KIF26B: variants seen among roughly 807,000 people sequenced by gnomAD.
KIF26B encodes kinesin family member 26B, also known as kinesin-like protein KIF26B.
KIF26B carries 63 observed loss-of-function variants against 151.2 expected under a neutral mutation model. The observed-to-expected ratio is 0.42, with a 90% CI of 0.34 to 0.51. The LOEUF is 0.51. KIF26B is among the 20% of genes least tolerant of loss of function. The probability of loss-of-function intolerance (pLI) is 0.07; values close to 1 mark genes in which losing one functional copy is unlikely to be tolerated. For missense variants in KIF26B, 2,813 were observed against 2,913.6 expected, an observed-to-expected ratio of 0.97 and a Z score of 0.79; for synonymous variants, 1,357 against 1,262.1, an observed-to-expected ratio of 1.08 and a Z score of -1.59.
chr1:245,184,050 G>GTTTTTTGTTTTTTTTTTTTTTTTGTT, intron 2 of KIF26B, among the ~76,000 whole-genome samples: 1 of 19,804 alleles, frequency 5.0e-5, no homozygotes, highest in Non-Finnish European at 9.9e-5. Context: ...GGGAGTTGTT[G>GTTTTTTGTTTTTTTTTTTTTTTTGTT]TTTTTTTTTT....
At chr1:245,447,501 G>T (rs985957722) in intron 4 of KIF26B, among the ~76,000 whole-genome samples, 2 of 152,080 alleles carry the variant, frequency 1.3e-5, no homozygotes, top group African/African-American at 4.8e-5. Flanking sequence ...GGTCTCGAGG[G>T]CTCCATCCTC....
chr1:245,686,592 C>T lies in KIF26B; in HGVS notation c.3609C>T (p.Asp1203=), dbSNP rs2044524465. Residue 1203 remains aspartate, a synonymous_variant, in exon 12 of 15, where the codon GAC becomes GAT. Coordinates refer to ENST00000407071, the MANE Select transcript of KIF26B (RefSeq NM_018012.4). This position sits in a 1 kb window ranked among gnomAD's most constrained non-coding sequence, Gnocchi z 5.6. ...VEELTISGVL[D]SGRPTSIISF... Reference sequence around the variant, plus strand: ...AGCTGACCATCAGCGGGGTCCTGGACAGCGGCCGCCCCACCAGCATCATCA... The same window carrying T: ...AGCTGACCATCAGCGGGGTCCTGGATAGCGGCCGCCCCACCAGCATCATCA... 6.2e-7 allele frequency: 1 copy of T among 1,611,626 alleles called. No homozygotes were observed. The highest frequency in any genetic ancestry group is 8.5e-7 in the Non-Finnish European group (1 of 1,179,354).
At chr1:245,470,175 C>T (rs1273446091) in intron 4 of KIF26B, among the ~76,000 whole-genome samples, 3 of 151,880 alleles carry the variant, frequency 2.0e-5, no homozygotes, top group African/African-American at 4.8e-5. Flanking sequence ...GACGTTGACA[C>T]CCAGACTTAG....
chr1:245,623,198 G>C (rs1409630919), intron 9 of KIF26B, among the ~76,000 whole-genome samples: 1 of 151,894 alleles, frequency 6.6e-6, no homozygotes, highest in South Asian at 2.1e-4. Flanking sequence ...ACCCCCAAAA[G>C]TTTCCTCGGG....
intron 4 of KIF26B, among the ~76,000 whole-genome samples, chr1:245,517,202 C>T (rs1660987886): frequency 2.0e-5 from 3 of 152,102 alleles, no homozygotes; most frequent in Admixed American, 6.5e-5. Flanking sequence ...TACTAAAATA[C>T]AAAAACATTA....
chr1:245,177,022 C>G (rs937089354), intron 2 of KIF26B, among the ~76,000 whole-genome samples: 1 of 152,164 alleles, frequency 6.6e-6, no homozygotes, highest in African/African-American at 2.4e-5. Flanking sequence ...GCAGCATGAT[C>G]CTAGCTCACT....
chr1:245,299,483 G>A (rs899208757), intron 2 of KIF26B, among the ~76,000 whole-genome samples: 1 of 152,158 alleles, frequency 6.6e-6, no homozygotes, highest in South Asian at 2.1e-4. Context: ...TATATCTAAT[G>A]TAAGAAAAAC....
At chr1:245,168,731 C>T (rs1028307905) in intron 2 of KIF26B, among the ~76,000 whole-genome samples, 1 of 151,988 alleles carries the variant, frequency 6.6e-6, no homozygotes, top group African/African-American at 2.4e-5. Context: ...TTTCAAATGC[C>T]TAGACAGAGC....
intron 4 of KIF26B, among the ~76,000 whole-genome samples, chr1:245,463,128 G>A (rs939970831): frequency 2.0e-5 from 3 of 152,164 alleles, no homozygotes; most frequent in Admixed American, 1.3e-4. Flanking sequence ...GGCCTGGTAG[G>A]AACAGCACTC....
At chr1:245,632,964 G>A (rs1429981277) in intron 9 of KIF26B, among the ~76,000 whole-genome samples, 1 of 152,022 alleles carries the variant, frequency 6.6e-6, no homozygotes, top group African/African-American at 2.4e-5. Context: ...ACTGCATTGG[G>A]GTCAAGCTCT....
chr1:245,429,644 C>T (rs532637696), intron 4 of KIF26B, among the ~76,000 whole-genome samples: 1 of 152,140 alleles, frequency 6.6e-6, no homozygotes, highest in African/African-American at 2.4e-5. Flanking sequence ...GTTGCAGTCT[C>T]GCTCTGTCTC....
chr1:245,618,704 G>C (rs1300533177), intron 9 of KIF26B, among the ~76,000 whole-genome samples: 1 of 135,338 alleles, frequency 7.4e-6, no homozygotes, highest in African/African-American at 2.9e-5. Context: ...GTGCCACAGT[G>C]CTGGGGCTGT....
rs186588365 is a variant in KIF26B at position 245,595,182 on chromosome 1, A to G, written c.1351-7395A>G. Among the ~76,000 whole-genome samples, 538 of 152,330 alleles carry G rather than the reference A, an allele frequency of 3.5e-3. 3 individuals carry two copies. The highest frequency in any genetic ancestry group is 5.7e-3 in the Non-Finnish European group (390 of 68,028). On this transcript the variant is annotated intron_variant, in intron 5 of 14. Transcript: ENST00000407071. ...TTTCTCTTGCCTGATCGCCCTGGCC[A>G]GAACTTCCAATACCATATTGAATAG...
chr1:245,612,095 TGTGTGTGTGTGAGAGA>T (rs1389352685), intron 9 of KIF26B, 119 bp downstream of exon 9: 39 of 695,572 alleles, frequency 5.6e-5, no homozygotes, highest in Admixed American at 2.9e-4. Flanking sequence ...TGTGTGTGTG[TGTGTGTGTGTGAGAGA>T]GAGAGAGAGA....
At chr1:245,384,298 A>G (rs1673488136) in intron 3 of KIF26B, among the ~76,000 whole-genome samples, 2 of 152,214 alleles carry the variant, frequency 1.3e-5, no homozygotes, top group Non-Finnish European at 2.9e-5. Flanking sequence ...AGTACCAAAA[A>G]TAATAATTAT....
intron 8 of KIF26B, 121 bp from the exon 9 acceptor site, chr1:245,611,672 G>A: frequency 6.6e-6 from 6 of 914,512 alleles, no homozygotes; most frequent in Non-Finnish European, 9.8e-6. Flanking sequence ...AGCCTTAGAG[G>A]GGCACGTGGC....
intron 2 of KIF26B, among the ~76,000 whole-genome samples, chr1:245,286,012 A>AC: frequency 6.6e-6 from 1 of 151,170 alleles, no homozygotes; most frequent in East Asian, 2.0e-4. Flanking sequence ...AAAAAAAAAA[A>AC]AAAGGAAAAG....
intron 4 of KIF26B, among the ~76,000 whole-genome samples, chr1:245,526,961 G>C (rs1661249860): frequency 6.6e-6 from 1 of 152,218 alleles, no homozygotes; most frequent in Admixed American, 6.5e-5. Context: ...TGCTGTTCAA[G>C]ATAATTTTCT....
At chr1:245,210,508 C>CCTT (rs1669496035) in intron 2 of KIF26B, among the ~76,000 whole-genome samples, 1 of 129,782 alleles carries the variant, frequency 7.7e-6, no homozygotes, top group Admixed American at 7.8e-5. Flanking sequence ...ATATCCTAAG[C>CCTT]TTTTTTTTTT....
Sources: allele counts gnomAD v4.1 joint callset (sites outside exome capture counted in the v4.1 genomes callset), GRCh38; gene constraint gnomAD v4.1.1; non-coding constraint Gnocchi (gnomAD v3.1); transcripts MANE v1.5; gene names NCBI Gene and HGNC (gene_info 2026-07-23, HGNC 2026-07-21).